CSTPP1: variants seen among roughly 807,000 people sequenced by gnomAD.
CSTPP1 encodes the protein centriolar satellite-associated tubulin polyglutamylase complex regulator 1.
the CSTPP1 span, among the ~76,000 whole-genome samples, chr11:47,064,332 A>G: frequency 5.4e-3 from 815 of 152,060 alleles, 4 homozygotes; most frequent in Non-Finnish European, 9.7e-3. Context: ...ATGAAGTCCA[A>G]TTTATCTGTT....
At chr11:47,002,163 A>T in the CSTPP1 span, among the ~76,000 whole-genome samples, 1 of 150,858 alleles carries the variant, frequency 6.6e-6, no homozygotes, top group African/African-American at 2.4e-5. Flanking sequence ...CATTGTCAGC[A>T]TCTGGTTTCC....
the CSTPP1 span, among the ~76,000 whole-genome samples, chr11:47,029,417 G>A: frequency 6.6e-6 from 1 of 151,964 alleles, no homozygotes; most frequent in African/African-American, 2.4e-5. Context: ...GACCAGTCTA[G>A]CCAACATGGT....
At chr11:47,162,679 T>C in the CSTPP1 span, among the ~76,000 whole-genome samples, 111 of 152,106 alleles carry the variant, frequency 7.3e-4, no homozygotes, top group African/African-American at 2.6e-3. Context: ...TTCAACTTCT[T>C]TGGATTGAGG....
At chr11:47,036,195 A>ATATATTATATTAATATATAATATATATT in the CSTPP1 span, among the ~76,000 whole-genome samples, 10 of 52,098 alleles carry the variant, frequency 1.9e-4, 1 homozygote, top group African/African-American at 6.1e-4. Flanking sequence ...TATTTATATT[A>ATATATTATATTAATATATAATATATATT]TATATTATAT....
At chr11:47,038,324 G>A in the CSTPP1 span, among the ~76,000 whole-genome samples, 1 of 103,654 alleles carries the variant, frequency 9.6e-6, no homozygotes, top group African/African-American at 2.9e-5. Context: ...TGGCCGGGCG[G>A]GGGGCTGACC....
At chr11:47,031,936 C>T in the CSTPP1 span, among the ~76,000 whole-genome samples, 1 of 152,080 alleles carries the variant, frequency 6.6e-6, no homozygotes, top group East Asian at 1.9e-4. Context: ...GGGCAGGAAG[C>T]ATCCAGCATG....
chr11:46,997,175 A>G, the CSTPP1 span, among the ~76,000 whole-genome samples: 1 of 152,156 alleles, frequency 6.6e-6, no homozygotes, highest in Non-Finnish European at 1.5e-5. Flanking sequence ...TGTTCTCCGC[A>G]TTACTTTCAG....
At chr11:46,982,692 C>G in the CSTPP1 span, among the ~76,000 whole-genome samples, 1 of 151,798 alleles carries the variant, frequency 6.6e-6, no homozygotes, top group African/African-American at 2.4e-5. Flanking sequence ...AAGGTCATAC[C>G]TGAAATGGGT....
chr11:47,026,399 G>GT, the CSTPP1 span, among the ~76,000 whole-genome samples: 2 of 152,130 alleles, frequency 1.3e-5, no homozygotes, highest in African/African-American at 4.8e-5. Flanking sequence ...GAAGGATCTT[G>GT]TAGGAACAAG....
At chr11:47,014,139 G>A in the CSTPP1 span, among the ~76,000 whole-genome samples, 1 of 151,822 alleles carries the variant, frequency 6.6e-6, no homozygotes, top group Admixed American at 6.6e-5. Context: ...GCTGCAATTA[G>A]CCATGAGTAT....
chr11:46,972,620 A>G, the CSTPP1 span, among the ~76,000 whole-genome samples: 2 of 152,074 alleles, frequency 1.3e-5, no homozygotes, highest in Admixed American at 6.6e-5. Flanking sequence ...CCTTAGAGAG[A>G]AGTTGTGCTT....
At chr11:47,161,381 C>CCTAGTGTT in the CSTPP1 span, 3 of 1,595,956 alleles carry the variant, frequency 1.9e-6, no homozygotes, top group Non-Finnish European at 2.6e-6. Context: ...AGGGGTTTAC[C>CCTAGTGTT]CTAGTGTTAA....
the CSTPP1 span, chr11:47,156,907 G>A: frequency 9.7e-7 from 1 of 1,032,540 alleles, no homozygotes; most frequent in South Asian, 1.6e-5. Flanking sequence ...CATGCCCTGA[G>A]CACTGAGGCT....
chr11:47,110,945 A>C, the CSTPP1 span, among the ~76,000 whole-genome samples: 1 of 142,244 alleles, frequency 7.0e-6, no homozygotes, highest in Admixed American at 7.6e-5. Flanking sequence ...GCTGGAGTGC[A>C]GTGGCGCAAT....
At chr11:47,155,283 C>T in the CSTPP1 span, 13 of 1,593,974 alleles carry the variant, frequency 8.2e-6, no homozygotes, top group Admixed American at 1.7e-5. Context: ...GGGGCTCCAT[C>T]TGGCTCCGCA....
At chr11:47,061,469 G>A in the CSTPP1 span, among the ~76,000 whole-genome samples, 1 of 152,220 alleles carries the variant, frequency 6.6e-6, no homozygotes, top group African/African-American at 2.4e-5. Context: ...AACTTCACTT[G>A]ATTTTGCTTG....
the CSTPP1 span, among the ~76,000 whole-genome samples, chr11:46,959,991 C>T: frequency 1.3e-5 from 2 of 151,936 alleles, no homozygotes; most frequent in East Asian, 1.9e-4. Context: ...CTTAGCTTCC[C>T]GAGTAGCTGG....
the CSTPP1 span, among the ~76,000 whole-genome samples, chr11:47,146,382 AAAAG>A: frequency 2.6e-5 from 4 of 151,746 alleles, no homozygotes; most frequent in Non-Finnish European, 5.9e-5. Flanking sequence ...AAAAAAAAAA[AAAAG>A]AATTCCTACA....
the CSTPP1 span, among the ~76,000 whole-genome samples, chr11:47,093,525 T>G: frequency 1.3e-5 from 2 of 152,200 alleles, no homozygotes; most frequent in Non-Finnish European, 2.9e-5. Context: ...CATTCCATGA[T>G]GAACAAACAA....
Sources: gnomAD v4.1 joint callset for allele counts (sites outside exome capture counted in the v4.1 genomes callset) on GRCh38, gnomAD v4.1.1 for gene constraint, MANE v1.5 for transcripts, NCBI Gene and HGNC (gene_info 2026-07-23, HGNC 2026-07-21) for gene names.